The following ADRA1A variants were observed in gnomAD, a reference collection of about 807,000 sequenced individuals.
ADRA1A encodes adrenoceptor alpha 1A, also known as alpha-1A adrenergic receptor.
A neutral mutation model predicts 29.6 loss-of-function variants in ADRA1A; 31 were observed. The ratio of observed to expected loss-of-function variants is 1.05; its 90% confidence interval spans 0.79 to 1.41. The LOEUF (loss-of-function observed/expected upper bound fraction) is 1.41. Ranked by LOEUF, ADRA1A falls within the 40% of genes most tolerant of loss-of-function variation. The pLI is 0.00. For missense variants in ADRA1A, 619 were observed against 601.1 expected (o/e 1.03, Z -0.31); for synonymous variants, 311 against 254.3 (o/e 1.22, Z -2.12).
chr8:26,827,376 T>G (rs1002112449), intron 2 of ADRA1A, among the ~76,000 whole-genome samples: 10 of 152,240 alleles, frequency 6.6e-5, no homozygotes, highest in African/African-American at 2.4e-4. Flanking sequence ...TGATACTTAC[T>G]TAATTTCTCT....
chr8:26,789,026 T>C (rs4361768), intron 2 of ADRA1A, among the ~76,000 whole-genome samples: 40,709 of 151,942 alleles, frequency 0.27, 6,123 homozygotes, highest in East Asian at 0.51. Flanking sequence ...GGTGGCCTGC[T>C]GCATGCACCA....
intron 2 of ADRA1A, among the ~76,000 whole-genome samples, chr8:26,847,571 T>C (rs922639740): frequency 6.6e-6 from 1 of 152,236 alleles, no homozygotes; most frequent in African/African-American, 2.4e-5. Context: ...GGTTTCTCAC[T>C]GGCAACGAAT....
At chr8:26,835,059 A>G (rs1811248119) in intron 2 of ADRA1A, among the ~76,000 whole-genome samples, 1 of 152,160 alleles carries the variant, frequency 6.6e-6, no homozygotes, top group South Asian at 2.1e-4. Flanking sequence ...TTATTACTAC[A>G]TTTCATAGAA....
chr8:26,851,486 C>A (rs1240700207), intron 2 of ADRA1A, among the ~76,000 whole-genome samples: 1 of 152,062 alleles, frequency 6.6e-6, no homozygotes. Flanking sequence ...TAATCTGTCA[C>A]AATAAATGAA....
chr8:26,840,457 A>G (rs1811737296), intron 2 of ADRA1A, among the ~76,000 whole-genome samples: 1 of 152,222 alleles, frequency 6.6e-6, no homozygotes, highest in South Asian at 2.1e-4. Context: ...AGCTGGGGCC[A>G]AAGCAGTTAC....
At position 26,821,172 on chromosome 8, in the gene ADRA1A, G is replaced by A. The variant is rs1810146058; in HGVS notation, c.883+42915C>T. On this transcript the variant is annotated intron_variant, in intron 2 of 2. Coordinates refer to ENST00000380573, the MANE Select transcript of ADRA1A (RefSeq NM_000680.4). The surrounding 1 kb of genome is among the most constrained non-coding windows in gnomAD (Gnocchi z 5.6). ...CGCAAAGTGCTGGGATTACAGGCAT[G>A]AGCCACCACGCCTGGCCACATTAGG... is the stretch of plus-strand genomic sequence containing the variant. Among the ~76,000 whole-genome samples, 1 of 152,178 alleles carries A rather than the reference G, an allele frequency of 6.6e-6. No individual in the cohort carries two copies. Among genetic ancestry groups the A allele is most frequent in the African/African-American group, 2.4e-5 (1 of 41,450 alleles).
At chr8:26,847,562 G>T (rs543324152) in intron 2 of ADRA1A, among the ~76,000 whole-genome samples, 8 of 152,290 alleles carry the variant, frequency 5.3e-5, no homozygotes, top group Admixed American at 2.6e-4. Flanking sequence ...TAGACAGTAG[G>T]TTTCTCACTG....
At chr8:26,768,790 A>G (rs1398041464), downstream of ADRA1A, 2 of 620,520 alleles carry the variant, frequency 3.2e-6, no homozygotes, top group Non-Finnish European at 4.0e-6. Context: ...GGCATTTCAG[A>G]AAAGAGATAC....
downstream of ADRA1A, among the ~76,000 whole-genome samples, chr8:26,752,592 G>A (rs995729891): frequency 6.6e-6 from 1 of 152,104 alleles, no homozygotes; most frequent in Non-Finnish European, 1.5e-5. Context: ...ATTATTTTGG[G>A]GCTGCTTTTT....
At chr8:26,760,040 G>A (rs1805417907) in intron 2 of ADRA1A, among the ~76,000 whole-genome samples, 1 of 152,184 alleles carries the variant, frequency 6.6e-6, no homozygotes, top group South Asian at 2.1e-4. Context: ...TGGATAGGAG[G>A]CCACAGCGGC....
At chr8:26,797,274 T>C (rs578143105) in intron 2 of ADRA1A, among the ~76,000 whole-genome samples, 2 of 152,204 alleles carry the variant, frequency 1.3e-5, no homozygotes, top group East Asian at 3.9e-4. Context: ...TAATATGTAA[T>C]GGGTTTATTA....
downstream of ADRA1A, chr8:26,766,293 C>T (rs1295084104): frequency 1.5e-6 from 1 of 655,992 alleles, no homozygotes; most frequent in Non-Finnish European, 2.7e-6. Context: ...CAATACAACA[C>T]CCGATATGTG....
Position 26,866,617 on chromosome 8 carries a change from G to A in ADRA1A, c.-687+319C>T, listed in dbSNP as rs1813922352. On this transcript the variant is annotated intron_variant, in intron 1 of 2. Coordinates refer to ENST00000380573, the MANE Select transcript of ADRA1A (RefSeq NM_000680.4). This position sits in a 1 kb window ranked among gnomAD's most constrained non-coding sequence, Gnocchi z 5.7. ...CTTGCCTTCTGGGGTTGGGCCCTGA[G>A]GTGGGACCTCGGGCAAAGACTCTTG... Among the ~76,000 whole-genome samples, 1 of 152,184 alleles carries A rather than the reference G, an allele frequency of 6.6e-6. No individual in the cohort carries two copies. Among genetic ancestry groups the A allele is most frequent in the Non-Finnish European group, 1.5e-5 (1 of 68,028 alleles).
At chr8:26,758,908 T>C (rs1805352427) in intron 2 of ADRA1A, among the ~76,000 whole-genome samples, 2 of 152,350 alleles carry the variant, frequency 1.3e-5, no homozygotes, top group South Asian at 4.1e-4. Flanking sequence ...AATTTTTTTT[T>C]GTAATGTGAC....
chr8:26,836,642 CA>C (rs1409714548), intron 2 of ADRA1A, among the ~76,000 whole-genome samples: 40 of 152,102 alleles, frequency 2.6e-4, no homozygotes, highest in African/African-American at 9.4e-4. Flanking sequence ...CTACATAAAC[CA>C]AAACCAAAGT....
At chr8:26,814,548 C>T (rs1269395388) in intron 2 of ADRA1A, among the ~76,000 whole-genome samples, 1 of 152,248 alleles carries the variant, frequency 6.6e-6, no homozygotes, top group Non-Finnish European at 1.5e-5. Flanking sequence ...AGCTATGTGC[C>T]ACTGTGCCTG....
chr8:26,802,156 T>G (rs1278326471), intron 2 of ADRA1A, among the ~76,000 whole-genome samples: 1 of 152,134 alleles, frequency 6.6e-6, no homozygotes, highest in African/African-American at 2.4e-5. Flanking sequence ...TCCAGGACGT[T>G]GGGCTGGCAT....
chr8:26,845,983 G>A (rs1221406182), intron 2 of ADRA1A, among the ~76,000 whole-genome samples: 2 of 152,120 alleles, frequency 1.3e-5, no homozygotes, highest in African/African-American at 4.8e-5. Context: ...AAGTGCTTTG[G>A]AACTAGATAG....
In ADRA1A at chr8:26,833,020, C is replaced by T. The variant is rs138342469; in HGVS notation, c.883+31067G>A. ...AAGGGACACAGAAGGCACACTGCAG[C>T]GCCCATTGCACGGGTGCACGATCAC... On this transcript the variant is annotated intron_variant, in intron 2 of 2. Coordinates refer to ENST00000380573, the MANE Select transcript of ADRA1A (RefSeq NM_000680.4). Among the ~76,000 whole-genome samples the T allele has an allele frequency of 8.7e-4, 132 of 152,318 alleles. 1 individual carries two copies. The East Asian group carries it at 0.022, about 26-fold the overall frequency.
Sources: allele counts gnomAD v4.1 joint callset (sites outside exome capture counted in the v4.1 genomes callset), GRCh38; gene constraint gnomAD v4.1.1; non-coding constraint Gnocchi (gnomAD v3.1); transcripts MANE v1.5; gene names NCBI Gene and HGNC (gene_info 2026-07-23, HGNC 2026-07-21).